Variants in NBAS observed in about 807,000 individuals in gnomAD.
NBAS encodes the protein NAG/BC035112 fusion.
In NBAS, 219 loss-of-function variants were observed where a neutral mutation model predicts 302.5. The ratio of observed to expected loss-of-function variants is 0.72; its 90% CI spans 0.65 to 0.81. The LOEUF (loss-of-function observed/expected upper bound fraction) is 0.81, where lower values mean the gene tolerates loss of function less well. NBAS is among the 30% of genes least tolerant of loss of function. NBAS has a pLI of 0.00. For missense variants in NBAS, 2,932 were observed against 2,841.6 expected, an observed-to-expected ratio of 1.03 and a Z score of -0.72; for synonymous variants, 1,118 against 1,021.6, an observed-to-expected ratio of 1.09 and a Z score of -1.80.
At chr2:14,930,261 T>A in the NBAS span, among the ~76,000 whole-genome samples, 2 of 152,152 alleles carry the variant, frequency 1.3e-5, no homozygotes, top group African/African-American at 4.8e-5. Context: ...AAGTGAGGAA[T>A]GAGGATCAGA....
chr2:15,241,645 C>T (rs1572510071), intron 44 of NBAS, among the ~76,000 whole-genome samples: 1 of 152,154 alleles, frequency 6.6e-6, no homozygotes, highest in Non-Finnish European at 1.5e-5. Context: ...ATATGTAAAA[C>T]AGTCAGCACA....
intron 21 of NBAS, among the ~76,000 whole-genome samples, chr2:15,434,833 C>A (rs1476982649): frequency 6.6e-6 from 1 of 152,116 alleles, no homozygotes; most frequent in Non-Finnish European, 1.5e-5. Context: ...TGAGAATAAT[C>A]CTTATACAGG....
At chr2:15,288,699 G>A (rs779440063) in intron 41 of NBAS, among the ~76,000 whole-genome samples, 1 of 152,192 alleles carries the variant, frequency 6.6e-6, no homozygotes, top group African/African-American at 2.4e-5. Context: ...GAAGAGAAAC[G>A]TAGGATGGAA....
At chr2:14,952,536 G>C in the NBAS span, among the ~76,000 whole-genome samples, 27 of 152,320 alleles carry the variant, frequency 1.8e-4, no homozygotes, top group African/African-American at 6.5e-4. Flanking sequence ...TGGAGTGAAA[G>C]CTGTAAGAAA....
At chr2:14,922,280 A>C in the NBAS span, among the ~76,000 whole-genome samples, 6 of 152,348 alleles carry the variant, frequency 3.9e-5, no homozygotes, top group South Asian at 6.2e-4. Flanking sequence ...GGCTGGATTC[A>C]AGAGCATTTA....
the NBAS span, among the ~76,000 whole-genome samples, chr2:14,909,319 C>CAAAA: frequency 3.0e-4 from 14 of 46,714 alleles, no homozygotes; most frequent in African/African-American, 9.0e-4. Context: ...GACTCCGTCT[C>CAAAA]AAAAAAAAAA....
intron 35 of NBAS, among the ~76,000 whole-genome samples, chr2:15,351,380 G>C (rs1469088748): frequency 2.6e-5 from 4 of 152,028 alleles, no homozygotes; most frequent in Non-Finnish European, 4.4e-5. Flanking sequence ...GAAAAGTTAG[G>C]AATGAAATAC....
the NBAS span, among the ~76,000 whole-genome samples, chr2:15,035,735 A>G: frequency 1.3e-5 from 2 of 152,230 alleles, no homozygotes; most frequent in African/African-American, 4.8e-5. Flanking sequence ...AAACTAACAC[A>G]GGAACAGAAA....
At position 15,536,439 on chromosome 2, in the gene NBAS, TCTC is replaced by T; in HGVS notation, c.623_625del (p.Gly208del). ...TTACCTTACAAGGTAACTTCTAAGT[TCTC>T]CTCGGTAATTGATGACCAGGAGTTC... On this transcript the variant is annotated inframe_deletion, in exon 8 of 52. Transcript: ENST00000281513. 1 of 1,613,630 alleles carries T rather than the reference TCTC, an allele frequency of 6.2e-7. No individual in the cohort carries two copies.
At chr2:15,219,208 A>C (rs939250177) in intron 47 of NBAS, among the ~76,000 whole-genome samples, 1 of 152,222 alleles carries the variant, frequency 6.6e-6, no homozygotes. Context: ...TATATAAAGC[A>C]GATAAACATC....
chr2:15,475,882 T>G lies in NBAS; in HGVS notation c.1148-2A>C. 6.2e-7 allele frequency: 1 copy of G among 1,609,388 alleles called. No homozygotes were observed. Among genetic ancestry groups the G allele is most frequent in the Non-Finnish European group, 8.5e-7 (1 of 1,176,112 alleles). Reference sequence around the variant, plus strand: ...TCAGTGGGTAAAAGGACTCTTTATCTAAGAAGCGAAAAACAAATCAATACA... The same window carrying G: ...TCAGTGGGTAAAAGGACTCTTTATCGAAGAAGCGAAAAACAAATCAATACA... On this transcript the variant is annotated splice_acceptor_variant, in intron 13 of 51. Transcript: ENST00000281513. LOFTEE classifies it high-confidence loss of function.
the NBAS span, among the ~76,000 whole-genome samples, chr2:14,998,472 T>A: frequency 6.6e-6 from 1 of 152,178 alleles, no homozygotes; most frequent in Non-Finnish European, 1.5e-5. Flanking sequence ...CCTCAGGGTG[T>A]CCTTGGGTGA....
At position 15,178,207 on chromosome 2, in the gene NBAS, T is replaced by C. The variant is rs550546696; in HGVS notation, c.6840+781A>G. 4 of 466,910 alleles carry C rather than the reference T, an allele frequency of 8.6e-6. No individual in the cohort carries two copies. In the East Asian group the frequency reaches 2.8e-4, roughly 32 times the overall value. 28.9% of individuals were successfully genotyped at this position (466,910 alleles called of 1,614,324 possible). A position where few individuals can be genotyped will look rare whatever the true frequency, so the allele number is the denominator to read the frequency against. Reference sequence around the variant, plus strand: ...TAGCATGCATGTGTATATATACATATATATGTATATATACAATGTAAAATT... The same window carrying C: ...TAGCATGCATGTGTATATATACATACATATGTATATATACAATGTAAAATT... On this transcript the variant is annotated intron_variant, in intron 51 of 51. Transcript: ENST00000281513.
At chr2:14,813,329 T>A in the NBAS span, among the ~76,000 whole-genome samples, 1 of 152,264 alleles carries the variant, frequency 6.6e-6, no homozygotes. Flanking sequence ...AAGACTTTGT[T>A]GAATGGTTTT....
intron 29 of NBAS, among the ~76,000 whole-genome samples, chr2:15,381,900 A>G (rs1262329881): frequency 6.6e-6 from 1 of 152,160 alleles, no homozygotes; most frequent in Non-Finnish European, 1.5e-5. Flanking sequence ...AAAACTAAAC[A>G]ATTTCACAAA....
chr2:15,073,959 C>G, the NBAS span, among the ~76,000 whole-genome samples: 1 of 152,208 alleles, frequency 6.6e-6, no homozygotes, highest in South Asian at 2.1e-4. Flanking sequence ...TGTTTAGAAC[C>G]AGACCTCAAT....
At chr2:14,800,544 T>A in the NBAS span, among the ~76,000 whole-genome samples, 1 of 152,352 alleles carries the variant, frequency 6.6e-6, no homozygotes, top group South Asian at 2.1e-4. Flanking sequence ...TTTACTGATC[T>A]ATTTTCTGAA....
chr2:14,959,535 T>C, the NBAS span, among the ~76,000 whole-genome samples: 4 of 152,360 alleles, frequency 2.6e-5, no homozygotes, highest in Admixed American at 2.6e-4. Flanking sequence ...GAATACATTT[T>C]ATGCTCCTTA....
At chr2:15,538,338 G>A (rs1663621781) in intron 7 of NBAS, 3 of 484,338 alleles carry the variant, frequency 6.2e-6, no homozygotes, top group South Asian at 1.6e-5. Context: ...CAGAATATGA[G>A]CACAACACAC....
Sources: allele counts gnomAD v4.1 joint callset (sites outside exome capture counted in the v4.1 genomes callset), GRCh38; gene constraint gnomAD v4.1.1; transcripts MANE v1.5; gene names NCBI Gene and HGNC (gene_info 2026-07-23, HGNC 2026-07-21).